CSMD1: variants seen among roughly 807,000 people sequenced by gnomAD.
CSMD1 encodes CUB and sushi domain-containing protein 1.
In CSMD1, 213 loss-of-function variants were observed where a neutral mutation model predicts 417.5. The observed-to-expected ratio is 0.51, with a 90% CI of 0.46 to 0.57. CSMD1 has a LOEUF of 0.57. CSMD1 is among the 20% of genes least tolerant of loss of function. CSMD1 has a pLI of 0.00. For synonymous variants in CSMD1, 2,862 were observed against 1,736.8 expected (o/e 1.65, Z -16.11); for missense variants, 6,923 against 4,529.7 (o/e 1.53, Z -15.17).
intron 3 of CSMD1, among the ~76,000 whole-genome samples, chr8:4,260,937 G>A (rs1431171593): frequency 3.3e-5 from 5 of 152,144 alleles, no homozygotes; most frequent in African/African-American, 1.2e-4. Flanking sequence ...TTTACCTGGT[G>A]TATTTTTCTA....
chr8:3,745,915 G>C (rs1342117102), intron 6 of CSMD1, among the ~76,000 whole-genome samples: 2 of 152,166 alleles, frequency 1.3e-5, no homozygotes, highest in Admixed American at 1.3e-4. Context: ...TCGCCAACCT[G>C]GTCACAGCAG....
chr8:4,351,310 A>G (rs943026509), intron 3 of CSMD1, among the ~76,000 whole-genome samples: 2 of 152,216 alleles, frequency 1.3e-5, no homozygotes, highest in South Asian at 2.1e-4. Flanking sequence ...TCAATGCTAA[A>G]TGTTTCTCCA....
At chr8:4,670,153 C>T (rs768946665) in intron 1 of CSMD1, among the ~76,000 whole-genome samples, 1 of 152,162 alleles carries the variant, frequency 6.6e-6, no homozygotes, top group Non-Finnish European at 1.5e-5. Flanking sequence ...TTTTTCATCT[C>T]CTACACTCAC....
chr8:4,822,085 T>TA (rs1285707365), intron 1 of CSMD1, among the ~76,000 whole-genome samples: 1 of 152,120 alleles, frequency 6.6e-6, no homozygotes. Flanking sequence ...TCGGGTTCAG[T>TA]AAAAAAATTA....
rs187521531 is a variant in CSMD1, at chr8:3,351,014, C to G, written c.3305-2853G>C. Among the ~76,000 whole-genome samples the G allele has an allele frequency of 2.1e-3, 318 of 152,260 alleles. 4 individuals carry two copies. The highest frequency in any genetic ancestry group is 3.5e-3 in the Admixed American group (53 of 15,294). The stretch of plus-strand genomic sequence containing the variant: ...CTTTTAGAAAAAATCAAGGCAAAAG[C>G]AACTCACCATCCTTCTAGCACTTCC... On this transcript the variant is annotated intron_variant, in intron 21 of 69. Coordinates refer to ENST00000635120, the MANE Select transcript of CSMD1 (RefSeq NM_033225.6).
intron 21 of CSMD1, among the ~76,000 whole-genome samples, chr8:3,348,832 A>G (rs1308216482): frequency 6.6e-6 from 1 of 152,232 alleles, no homozygotes; most frequent in Non-Finnish European, 1.5e-5. Context: ...GTGAAAATAC[A>G]TACAACTCTC....
Position 4,011,251 on chromosome 8 carries a change from A to G in CSMD1, c.611-13141T>C, listed in dbSNP as rs2130435869. Reference sequence around the variant, plus strand: ...GATCAAGTTTTTAAGCCACGACTTTACCAGTTTTCTTCTCTTTCAAAACGA... The same window carrying G: ...GATCAAGTTTTTAAGCCACGACTTTGCCAGTTTTCTTCTCTTTCAAAACGA... On this transcript the variant is annotated intron_variant, in intron 4 of 69. Coordinates refer to ENST00000635120, the MANE Select transcript of CSMD1 (RefSeq NM_033225.6). Among the ~76,000 whole-genome samples the G allele has an allele frequency of 3.9e-5, 6 of 152,262 alleles. No homozygotes were observed. The South Asian group carries it at 1.2e-3, about 32-fold the overall frequency.
intron 5 of CSMD1, among the ~76,000 whole-genome samples, chr8:3,806,673 A>G (rs1001835831): frequency 6.6e-6 from 1 of 152,232 alleles, no homozygotes; most frequent in Non-Finnish European, 1.5e-5. Flanking sequence ...CACTTGAATA[A>G]TCTTATCAAA....
chr8:3,601,346 A>G (rs1290346576), intron 8 of CSMD1, among the ~76,000 whole-genome samples: 2 of 152,230 alleles, frequency 1.3e-5, no homozygotes, highest in Non-Finnish European at 2.9e-5. Flanking sequence ...TGTAGAAGGC[A>G]GCAGATACTG....
At chr8:3,258,516 A>G (rs865892198) in intron 26 of CSMD1, among the ~76,000 whole-genome samples, 20 of 152,366 alleles carry the variant, frequency 1.3e-4, no homozygotes, top group African/African-American at 4.8e-4. Flanking sequence ...TAGTTCAACC[A>G]TTATGGAAGA....
intron 7 of CSMD1, among the ~76,000 whole-genome samples, chr8:3,660,386 A>T (rs894961472): frequency 6.6e-5 from 10 of 152,216 alleles, no homozygotes; most frequent in Middle Eastern, 3.4e-3. Flanking sequence ...AGAAAAAGTA[A>T]TCCACGTATG....
At chr8:3,336,132 A>T (rs1312222746) in intron 23 of CSMD1, among the ~76,000 whole-genome samples, 3 of 151,222 alleles carry the variant, frequency 2.0e-5, no homozygotes, top group African/African-American at 7.3e-5. Context: ...GTTTCTCCAA[A>T]CCTCTGTTCC....
intron 12 of CSMD1, among the ~76,000 whole-genome samples, chr8:3,411,139 T>C (rs143815107): frequency 4.1e-4 from 62 of 152,248 alleles, no homozygotes; most frequent in African/African-American, 1.4e-3. Flanking sequence ...AGACCTGGTG[T>C]CATCTGACTA....
chr8:3,188,366 G>C (rs1404302967), intron 35 of CSMD1, among the ~76,000 whole-genome samples: 2 of 129,556 alleles, frequency 1.5e-5, no homozygotes, highest in Non-Finnish European at 3.1e-5. Context: ...GAGTGCAATG[G>C]TGCAATCTTG....
intron 27 of CSMD1, among the ~76,000 whole-genome samples, chr8:3,226,913 A>G (rs1292777261): frequency 6.6e-6 from 1 of 152,066 alleles, no homozygotes; most frequent in African/African-American, 2.4e-5. Flanking sequence ...GAAAGAACAA[A>G]TTCAAACAGC....
chr8:3,940,912 T>G (rs1393733288), intron 5 of CSMD1, among the ~76,000 whole-genome samples: 1 of 151,926 alleles, frequency 6.6e-6, no homozygotes, highest in Non-Finnish European at 1.5e-5. Context: ...ATGTCTACAT[T>G]TAAAATATAT....
intron 2 of CSMD1, among the ~76,000 whole-genome samples, chr8:4,437,967 C>T (rs1045856150): frequency 6.6e-6 from 1 of 152,126 alleles, no homozygotes; most frequent in Non-Finnish European, 1.5e-5. Flanking sequence ...TGTATTTTCT[C>T]ATAAATGTTG....
chr8:3,999,016 A>C (rs1208406620), intron 4 of CSMD1, among the ~76,000 whole-genome samples: 2 of 149,208 alleles, frequency 1.3e-5, no homozygotes, highest in Non-Finnish European at 1.5e-5. Flanking sequence ...ATAACATATA[A>C]ACTATATGAT....
At chr8:4,858,692 G>A (rs894421982) in intron 1 of CSMD1, among the ~76,000 whole-genome samples, 2 of 150,126 alleles carry the variant, frequency 1.3e-5, no homozygotes, top group Non-Finnish European at 3.0e-5. Flanking sequence ...AAAATACCTA[G>A]GAATCCAACT....
Sources: allele counts gnomAD v4.1 joint callset (sites outside exome capture counted in the v4.1 genomes callset), GRCh38; gene constraint gnomAD v4.1.1; transcripts MANE v1.5; gene names NCBI Gene and HGNC (gene_info 2026-07-23, HGNC 2026-07-21).